FDX1: variants seen among roughly 807,000 people sequenced by gnomAD.
FDX1 encodes adrenodoxin, mitochondrial.
FDX1 carries 9 observed loss-of-function variants against 14.9 expected under a neutral mutation model. The observed-to-expected ratio is 0.60, with a 90% CI of 0.36 to 1.05. The LOEUF is 1.05. FDX1 is among the 50% of genes least tolerant of loss of function. FDX1 has a pLI of 0.01. For synonymous variants in FDX1, 92 were observed against 99.4 expected (o/e 0.93, Z 0.44); for missense variants, 204 against 237.2 (o/e 0.86, Z 0.92).
upstream of FDX1, among the ~76,000 whole-genome samples, chr11:110,429,726 A>G (rs1327709617): frequency 6.6e-6 from 1 of 152,068 alleles, no homozygotes; most frequent in Non-Finnish European, 1.5e-5. Context: ...ACAGTGGTCT[A>G]GCTAACCGAT....
intron 2 of FDX1, among the ~76,000 whole-genome samples, chr11:110,455,103 T>C (rs1465107509): frequency 6.6e-6 from 1 of 152,154 alleles, no homozygotes; most frequent in East Asian, 1.9e-4. Context: ...GCTTCCCAGG[T>C]TCAAGTGATT....
At chr11:110,430,365 T>C in intron 1 of FDX1, 60 bp downstream of exon 1, 1 of 1,092,180 alleles carries the variant, frequency 9.2e-7, no homozygotes, top group Non-Finnish European at 1.1e-6. Flanking sequence ...GGGTGGCGCC[T>C]GGCTCTCTGG....
chr11:110,436,284 G>C (rs1396522843), intron 2 of FDX1, among the ~76,000 whole-genome samples: 1 of 152,060 alleles, frequency 6.6e-6, no homozygotes, highest in Non-Finnish European at 1.5e-5. Flanking sequence ...AGCACAGAGG[G>C]GTACTTAAAT....
chr11:110,429,689 A>G (rs7940488), upstream of FDX1, among the ~76,000 whole-genome samples: 76,717 of 151,872 alleles, frequency 0.51, 20,484 homozygotes, highest in African/African-American at 0.67. Context: ...TTTAACGGCT[A>G]GGGGATGGGG....
At chr11:110,445,349 T>C (rs181272913) in intron 2 of FDX1, among the ~76,000 whole-genome samples, 1 of 152,320 alleles carries the variant, frequency 6.6e-6, no homozygotes, top group Non-Finnish European at 1.5e-5. Context: ...AAGTATTCTT[T>C]TAAGTTTTTA....
At chr11:110,456,127 T>G (rs933379858) in intron 2 of FDX1, among the ~76,000 whole-genome samples, 3 of 152,196 alleles carry the variant, frequency 2.0e-5, no homozygotes, top group Non-Finnish European at 4.4e-5. Context: ...TGACTTATTT[T>G]AAAATGACTT....
intron 2 of FDX1, among the ~76,000 whole-genome samples, chr11:110,450,506 C>T (rs936225435): frequency 1.3e-5 from 2 of 152,208 alleles, no homozygotes; most frequent in Non-Finnish European, 2.9e-5. Flanking sequence ...TTGCCCTCTG[C>T]TCACCTGCTG....
Position 110,444,700 on chromosome 11 carries a change from ATATACG to A in FDX1, c.310+8747_310+8752del, listed in dbSNP as rs1565381931. On this transcript the variant is annotated intron_variant, in intron 2 of 3. Transcript: ENST00000260270. The stretch of plus-strand genomic sequence containing the variant: ...TATATATATACACGTATATATATAT[ATATACG>A]TATATATATATATATACGTATATAT... Among the ~76,000 whole-genome samples, 173 of 58,076 alleles carry A rather than the reference ATATACG, an allele frequency of 3.0e-3. 10 individuals are homozygous for A. Among genetic ancestry groups the A allele is most frequent in the African/African-American group, 0.012 (149 of 12,174 alleles). 38.1% of individuals were successfully genotyped at this position (58,076 alleles called of 152,430 possible).
At chr11:110,453,293 G>A (rs1048714214) in intron 2 of FDX1, among the ~76,000 whole-genome samples, 3 of 151,988 alleles carry the variant, frequency 2.0e-5, no homozygotes, top group Non-Finnish European at 2.9e-5. Flanking sequence ...AGCCGAGATC[G>A]CACCATTACA....
intron 2 of FDX1, among the ~76,000 whole-genome samples, chr11:110,444,228 G>A (rs1396526648): frequency 2.6e-5 from 4 of 152,070 alleles, no homozygotes; most frequent in African/African-American, 7.2e-5. Flanking sequence ...GTTAATTTTT[G>A]TGTATGGTGA....
chr11:110,457,890 CTTTTATAGTTCA>C (rs1946532364), intron 3 of FDX1, among the ~76,000 whole-genome samples: 1 of 151,942 alleles, frequency 6.6e-6, no homozygotes, highest in South Asian at 2.1e-4. Context: ...CATTTTGTTC[CTTTTATAGTTCA>C]TTTCCCTCTT....
At chr11:110,452,094 C>T (rs1946490089) in intron 2 of FDX1, among the ~76,000 whole-genome samples, 1 of 152,042 alleles carries the variant, frequency 6.6e-6, no homozygotes, top group African/African-American at 2.4e-5. Flanking sequence ...TGACTTAGAT[C>T]TAAATGTAGA....
chr11:110,459,856 C>T (rs1946545723), intron 3 of FDX1, among the ~76,000 whole-genome samples: 1 of 152,174 alleles, frequency 6.6e-6, no homozygotes, highest in Admixed American at 6.5e-5. Context: ...CACAGAGCGC[C>T]ACTGCCTTAT....
At chr11:110,434,584 T>C (rs892486441) in intron 1 of FDX1, among the ~76,000 whole-genome samples, 3 of 152,060 alleles carry the variant, frequency 2.0e-5, no homozygotes, top group African/African-American at 7.2e-5. Flanking sequence ...CCGCCCGCCT[T>C]GGCCTCCCAA....
chr11:110,455,036 TCA>T (rs1265016123), intron 2 of FDX1, among the ~76,000 whole-genome samples: 2 of 152,246 alleles, frequency 1.3e-5, no homozygotes, highest in Non-Finnish European at 2.9e-5. Context: ...AGATGGAGTC[TCA>T]CTCTGTCGCC....
intron 1 of FDX1, among the ~76,000 whole-genome samples, chr11:110,432,124 G>T (rs1156761066): frequency 6.6e-6 from 1 of 152,188 alleles, no homozygotes; most frequent in East Asian, 1.9e-4. Flanking sequence ...GACAGACAGA[G>T]CAGTTCTAGA....
At chr11:110,438,460 C>T (rs1007048166) in intron 2 of FDX1, among the ~76,000 whole-genome samples, 4 of 152,088 alleles carry the variant, frequency 2.6e-5, no homozygotes, top group Admixed American at 1.3e-4. Context: ...CAAAGTCTCA[C>T]TGTCACCCAG....
At position 110,430,059 on chromosome 11, in the gene FDX1, G is replaced by A. The variant is rs1946318716; in HGVS notation, c.-62G>A. On this transcript the variant is annotated 5_prime_UTR_variant, in exon 1 of 4. Coordinates refer to ENST00000260270, the MANE Select transcript of FDX1 (RefSeq NM_004109.5). The stretch of plus-strand genomic sequence containing the variant: ...CCGCAGCTGCCGCCCCCGCCTCTTT[G>A]GAGTCTCTCGCGGCCTCAAAGCGCG... 1 of 1,138,824 alleles carries A rather than the reference G, an allele frequency of 8.8e-7. No individual in the cohort carries two copies. Among genetic ancestry groups the A allele is most frequent in the Non-Finnish European group, 1.1e-6 (1 of 910,700 alleles). The allele number at this position is 1,138,824 out of a possible 1,614,324, so 70.5% of individuals were successfully genotyped here.
intron 2 of FDX1, among the ~76,000 whole-genome samples, chr11:110,455,960 G>A (rs1946519039): frequency 6.6e-6 from 1 of 152,172 alleles, no homozygotes; most frequent in South Asian, 2.1e-4. Context: ...GGAAAGGGAT[G>A]TTACAGAGCA....
Sources: gnomAD v4.1 joint callset for allele counts (sites outside exome capture counted in the v4.1 genomes callset) on GRCh38, gnomAD v4.1.1 for gene constraint, MANE v1.5 for transcripts, NCBI Gene and HGNC (gene_info 2026-07-23, HGNC 2026-07-21) for gene names.